PCSK5: variants seen among roughly 807,000 people sequenced by gnomAD.
The protein encoded by PCSK5 is prohormone convertase 5.
Under a neutral mutation model 233.2 loss-of-function variants are expected in PCSK5, and 129 were observed. That is an observed-to-expected ratio of 0.55 (90% CI 0.48 to 0.64). The LOEUF is 0.64. Ranked by LOEUF, PCSK5 falls within the 30% of genes least tolerant of loss-of-function variation. The pLI, the probability that PCSK5 is intolerant of heterozygous loss-of-function variation, is 0.00. For missense variants in PCSK5, 2,076 were observed against 2,430.1 expected (o/e 0.85, Z 3.06); for synonymous variants, 825 against 879.2 (o/e 0.94, Z 1.09).
intron 16 of PCSK5, among the ~76,000 whole-genome samples, chr9:76,183,671 T>TTG (rs1300571657): frequency 1.3e-5 from 2 of 152,172 alleles, no homozygotes; most frequent in Non-Finnish European, 2.9e-5. Flanking sequence ...ACTGTTAAGA[T>TTG]TGTAAGGGGC....
intron 35 of PCSK5, among the ~76,000 whole-genome samples, chr9:76,342,753 C>T (rs1829869756): frequency 1.3e-5 from 2 of 152,052 alleles, no homozygotes; most frequent in African/African-American, 4.8e-5. Context: ...CAGACACCTC[C>T]AACTCCTCAC....
intron 3 of PCSK5, among the ~76,000 whole-genome samples, chr9:75,995,148 C>G (rs574110262): frequency 9.2e-5 from 14 of 152,298 alleles, no homozygotes; most frequent in African/African-American, 3.4e-4. Flanking sequence ...GTAGCCAGGT[C>G]CCCCACTCCA....
chr9:76,335,067 G>T (rs765346734), intron 34 of PCSK5, among the ~76,000 whole-genome samples: 1 of 152,168 alleles, frequency 6.6e-6, no homozygotes, highest in Non-Finnish European at 1.5e-5. Context: ...AACAGAACAA[G>T]ACCCTGTCTT....
intron 21 of PCSK5, among the ~76,000 whole-genome samples, chr9:76,232,289 T>A (rs910824948): frequency 7.9e-5 from 12 of 152,198 alleles, no homozygotes; most frequent in African/African-American, 2.9e-4. Context: ...CCCACTCAGA[T>A]GTCCCAGGCC....
chr9:76,239,860 G>A (rs974846799), intron 23 of PCSK5, among the ~76,000 whole-genome samples: 1 of 152,068 alleles, frequency 6.6e-6, no homozygotes, highest in Non-Finnish European at 1.5e-5. Flanking sequence ...TGAGACCCTA[G>A]GCAAAACTCA....
chr9:76,053,755 A>G (rs1829719922), intron 5 of PCSK5, among the ~76,000 whole-genome samples: 1 of 152,134 alleles, frequency 6.6e-6, no homozygotes, highest in African/African-American at 2.4e-5. Context: ...ACGAAGTTCC[A>G]AACTTTCCCA....
In PCSK5 at chr9:76,159,074, G is replaced by A. The variant is rs767188792; in HGVS notation, c.1522G>A (p.Val508Ile). ...PNRHVNYLEH[V>I]VVRITITHPR... ...CCGCCATGTCAACTACCTGGAGCAC[G>A]TCGTTGTGCGCATCACCATCACCCA... The change falls in exon 12 of 38, where the codon GTC becomes ATC. Residue 508 changes from valine (V) to isoleucine (I), a missense_variant. This residue lies in a region of PCSK5 where 50 missense variants were observed against 104.7 expected (regional missense o/e 0.48). Transcript: ENST00000674117. The A allele has an allele frequency of 1.4e-5, 23 of 1,613,980 alleles. No individual in the cohort carries two copies. The highest frequency in any genetic ancestry group is 8.3e-5 in the Admixed American group (5 of 60,000).
At chr9:75,938,439 T>A (rs1049906167) in intron 2 of PCSK5, among the ~76,000 whole-genome samples, 1 of 152,154 alleles carries the variant, frequency 6.6e-6, no homozygotes, top group African/African-American at 2.4e-5. Flanking sequence ...AGATCATTGA[T>A]CACAGATCAC....
At chr9:75,942,397 T>G (rs990867127) in intron 2 of PCSK5, among the ~76,000 whole-genome samples, 1 of 152,222 alleles carries the variant, frequency 6.6e-6, no homozygotes, top group African/African-American at 2.4e-5. Flanking sequence ...ACAGATCTCA[T>G]CACTTTGATG....
chr9:75,999,065 TA>T (rs1246816602), intron 3 of PCSK5, among the ~76,000 whole-genome samples: 2 of 152,224 alleles, frequency 1.3e-5, no homozygotes, highest in African/African-American at 2.4e-5. Context: ...TTTATTTATT[TA>T]TTTTTTTATT....
chr9:76,320,658 G>A (rs933577360), intron 30 of PCSK5, among the ~76,000 whole-genome samples: 27 of 150,170 alleles, frequency 1.8e-4, no homozygotes, highest in African/African-American at 6.4e-4. Context: ...ATTTTTAGTA[G>A]AGACTGGGTT....
intron 20 of PCSK5, among the ~76,000 whole-genome samples, chr9:76,220,600 C>T (rs1825697970): frequency 6.9e-6 from 1 of 145,622 alleles, no homozygotes; most frequent in South Asian, 2.3e-4. Flanking sequence ...CCCTTTGGGT[C>T]TGGTCTTACA....
rs182683798 is a variant in PCSK5, at chr9:76,199,646, C to T, written c.2626+9900C>T. 1.3e-3 allele frequency among the ~76,000 whole-genome samples: 200 copies of T among 152,140 alleles called. 1 individual carries two copies. The highest frequency in any genetic ancestry group is 2.3e-3 in the Non-Finnish European group (155 of 67,994). ...GGGTGGGGCGTGGAAGGGCAGCGTACGGGACTGCAATATGTGGATGTCTTC... is the reference window on the plus strand; with the variant it reads ...GGGTGGGGCGTGGAAGGGCAGCGTATGGGACTGCAATATGTGGATGTCTTC... On this transcript the variant is annotated intron_variant, in intron 20 of 37. Transcript: ENST00000674117.
Position 76,233,477 on chromosome 9 carries a change from G to A in PCSK5, c.2747G>A (p.Arg916His), listed in dbSNP as rs577214351. Residue 916 changes from arginine (R) to histidine (H), a missense_variant, in exon 22 of 38, where the codon CGC (arginine) becomes CAC (histidine). Physicochemically the swap from Arg to His is conservative, Grantham distance 29 (BLOSUM62 0). Transcript: ENST00000674117. Reference protein sequence around the residue: ...CPMTRIFDDGRCVSNCPSWKF... With the variant: ...CPMTRIFDDGHCVSNCPSWKF... ...TCCTCTAGGATTTTTGATGATGGCC[G>A]CTGTGTTTCGAACTGCCCCTCATGG... is the stretch of plus-strand genomic sequence containing the variant. 118 of 1,612,594 alleles carry A rather than the reference G, an allele frequency of 7.3e-5. No homozygotes were observed. Among genetic ancestry groups the A allele is most frequent in the South Asian group, 1.3e-4 (12 of 91,076 alleles).
intron 1 of PCSK5, among the ~76,000 whole-genome samples, chr9:75,921,857 A>G (rs1382006368): frequency 6.6e-6 from 1 of 152,234 alleles, no homozygotes; most frequent in Non-Finnish European, 1.5e-5. Context: ...TCATTCTTAA[A>G]TAACTGTTAT....
Position 76,181,421 on chromosome 9 carries a change from CT to C in PCSK5, c.2028del (p.Gly677AlafsTer37). 2 of 1,613,680 alleles carry C rather than the reference CT, an allele frequency of 1.2e-6. No homozygotes were observed. The highest frequency in any genetic ancestry group is 1.7e-6 in the Non-Finnish European group (2 of 1,179,784). ...NTRICVSSCP[P>X]GHYHADKKRC... ...AGGATCTGTGTCTCCAGCTGCCCCC[CT>C]GGCCACTACCACGCCGACAAGAAGC... On this transcript the variant is annotated frameshift_variant, in exon 16 of 38. Coordinates refer to ENST00000674117, the MANE Select transcript of PCSK5 (RefSeq NM_001372043.1). LOFTEE classifies it high-confidence loss of function.
chr9:75,922,739 T>A (rs1350200180), intron 1 of PCSK5, among the ~76,000 whole-genome samples: 2 of 152,210 alleles, frequency 1.3e-5, no homozygotes, highest in African/African-American at 4.8e-5. Flanking sequence ...ACTCTGAGAT[T>A]CTATGATTTG....
intron 9 of PCSK5, among the ~76,000 whole-genome samples, chr9:76,126,435 G>A (rs928752065): frequency 6.6e-6 from 1 of 152,136 alleles, no homozygotes; most frequent in South Asian, 2.1e-4. Context: ...CCAACGTGGA[G>A]AAATCCCGTC....
chr9:76,210,978 T>G (rs748099817), intron 20 of PCSK5, among the ~76,000 whole-genome samples: 14 of 152,104 alleles, frequency 9.2e-5, no homozygotes, highest in Non-Finnish European at 1.6e-4. Flanking sequence ...TCACCTAGAT[T>G]GGAAGCACAG....
Sources: allele counts gnomAD v4.1 joint callset (sites outside exome capture counted in the v4.1 genomes callset), GRCh38; gene constraint gnomAD v4.1.1; regional missense constraint gnomAD v4.1.1; transcripts MANE v1.5; gene names NCBI Gene and HGNC (gene_info 2026-07-23, HGNC 2026-07-21).